The following DEUP1 variants were observed in gnomAD, a reference collection of about 807,000 sequenced individuals.
The protein encoded by DEUP1 is deuterosome assembly protein 1, also known as coiled-coil domain containing 67.
A neutral mutation model predicts 87.4 loss-of-function variants in DEUP1; 82 were observed. The ratio of observed to expected loss-of-function variants is 0.94; its 90% CI spans 0.78 to 1.13. The LOEUF (loss-of-function observed/expected upper bound fraction) is 1.13. Ranked by LOEUF, DEUP1 falls within the 50% of genes most tolerant of loss-of-function variation. DEUP1 has a pLI of 0.00. For missense variants in DEUP1, 663 were observed against 681.5 expected (o/e 0.97, Z 0.30); for synonymous variants, 214 against 222.7 (o/e 0.96, Z 0.35).
intron 7 of DEUP1, among the ~76,000 whole-genome samples, chr11:93,385,028 C>T (rs1407391407): frequency 9.9e-5 from 15 of 152,142 alleles, no homozygotes; most frequent in Admixed American, 5.2e-4. Flanking sequence ...TTGAGACCAG[C>T]CTGATCAACA....
chr11:93,372,337 G>T (rs1458573946), intron 7 of DEUP1, among the ~76,000 whole-genome samples: 1 of 152,048 alleles, frequency 6.6e-6, no homozygotes, highest in Non-Finnish European at 1.5e-5. Flanking sequence ...CTTCCTCCAT[G>T]ACAGTTGGCC....
intron 2 of DEUP1, among the ~76,000 whole-genome samples, chr11:93,335,390 A>G (rs1943705414): frequency 6.6e-6 from 1 of 152,206 alleles, no homozygotes; most frequent in Non-Finnish European, 1.5e-5. Flanking sequence ...AAAGGCTAAA[A>G]AAGTTATATA....
At chr11:93,392,645 C>T (rs1946799874) in intron 9 of DEUP1, among the ~76,000 whole-genome samples, 1 of 150,796 alleles carries the variant, frequency 6.6e-6, no homozygotes, top group African/African-American at 2.4e-5. Context: ...TCTTTACAGA[C>T]ATTGTAATAA....
intron 2 of DEUP1, among the ~76,000 whole-genome samples, chr11:93,345,461 T>G (rs905016921): frequency 6.6e-6 from 1 of 152,196 alleles, no homozygotes; most frequent in Admixed American, 6.5e-5. Context: ...TCAAACTAAT[T>G]TCCACTCCCA....
chr11:93,363,360 T>C (rs1945268985), intron 4 of DEUP1, among the ~76,000 whole-genome samples: 1 of 151,864 alleles, frequency 6.6e-6, no homozygotes, highest in South Asian at 2.1e-4. Flanking sequence ...TATACATATA[T>C]TGGTCCAATT....
rs190272170 is a variant in DEUP1, at chr11:93,437,544, C to T, written c.1640C>T (p.Ser547Phe). ...ACTTTTCTTTCTTTCTCTCTTTAGT[C>T]TCCCCCAGATATGTCCTTCCCAGCA... ...LVSDDDVFPL[S>F]PPDMSFPASL... is the part of the protein sequence containing the mutation. Residue 547 changes from serine (S) to phenylalanine (F), a missense_variant and splice_region_variant, in exon 14 of 14, where the codon TCT becomes TTT. Ser to Phe is a radical substitution (Grantham distance 155). Transcript: ENST00000298050. 3.8e-4 allele frequency: 610 copies of T among 1,601,388 alleles called. 1 individual carries two copies. Among genetic ancestry groups the T allele is most frequent in the African/African-American group, 2.3e-3 (171 of 74,036 alleles).
chr11:93,364,887 T>C (rs1420808444), intron 5 of DEUP1, among the ~76,000 whole-genome samples: 1 of 152,080 alleles, frequency 6.6e-6, no homozygotes, highest in Non-Finnish European at 1.5e-5. Flanking sequence ...GTTGATGCAC[T>C]TATTCTTATC....
chr11:93,399,308 T>C (rs931023460), intron 11 of DEUP1, among the ~76,000 whole-genome samples: 1 of 152,064 alleles, frequency 6.6e-6, no homozygotes, highest in African/African-American at 2.4e-5. Context: ...TAAATTTTTA[T>C]GTAAACATTA....
intron 13 of DEUP1, among the ~76,000 whole-genome samples, chr11:93,416,593 C>A (rs9666918): frequency 6.6e-6 from 1 of 151,144 alleles, no homozygotes; most frequent in East Asian, 2.0e-4. Flanking sequence ...CAAATTCTAC[C>A]AGAGGTACAA....
chr11:93,437,290 T>G (rs1250056176), intron 13 of DEUP1, among the ~76,000 whole-genome samples: 4 of 152,250 alleles, frequency 2.6e-5, no homozygotes, highest in Non-Finnish European at 5.9e-5. Context: ...GTCCCTGCAT[T>G]TGCAGTTGGA....
chr11:93,353,425 C>A (rs1310548468), intron 2 of DEUP1, among the ~76,000 whole-genome samples: 2 of 152,104 alleles, frequency 1.3e-5, no homozygotes, highest in East Asian at 3.9e-4. Context: ...GTGCACAGTG[C>A]AAGTTGTTGG....
chr11:93,378,018 T>C (rs745426145), intron 7 of DEUP1, among the ~76,000 whole-genome samples: 1 of 152,116 alleles, frequency 6.6e-6, no homozygotes, highest in Non-Finnish European at 1.5e-5. Context: ...CCTGATGCTT[T>C]TGCCTCACAG....
chr11:93,366,959 G>T (rs1945448917), intron 5 of DEUP1, among the ~76,000 whole-genome samples: 1 of 152,008 alleles, frequency 6.6e-6, no homozygotes, highest in Admixed American at 6.5e-5. Context: ...TGAAATGTTA[G>T]CTATTTTCTA....
At chr11:93,391,044 G>C (rs1946749350) in intron 9 of DEUP1, among the ~76,000 whole-genome samples, 1 of 150,200 alleles carries the variant, frequency 6.7e-6, no homozygotes, top group Non-Finnish European at 1.5e-5. Context: ...ATTGCGCCAT[G>C]GCACTCCAGC....
At chr11:93,360,415 A>T (rs1053835429) in intron 4 of DEUP1, among the ~76,000 whole-genome samples, 8 of 152,200 alleles carry the variant, frequency 5.3e-5, no homozygotes, top group African/African-American at 1.9e-4. Context: ...ATCATTCATT[A>T]TAGAAAGAAC....
At chr11:93,357,980 A>C (rs1944975712) in intron 4 of DEUP1, among the ~76,000 whole-genome samples, 1 of 152,220 alleles carries the variant, frequency 6.6e-6, no homozygotes, top group African/African-American at 2.4e-5. Context: ...TTACTAGCTT[A>C]GACTCTGAGC....
At chr11:93,352,376 A>G (rs969217652) in intron 2 of DEUP1, 2 of 702,316 alleles carry the variant, frequency 2.8e-6, no homozygotes, top group Non-Finnish European at 5.2e-6. Context: ...CTCCCTGGAG[A>G]ATGCTTCAGC....
rs554557087 is a variant in DEUP1, at chr11:93,333,366, C to T, written c.29+1078C>T. Among the ~76,000 whole-genome samples the T allele has an allele frequency of 5.9e-5, 9 of 152,272 alleles. No homozygotes were observed. In the South Asian group the frequency reaches 1.2e-3, roughly 21 times the overall value. On this transcript the variant is annotated intron_variant, in intron 2 of 13. Transcript: ENST00000298050. The stretch of plus-strand genomic sequence containing the variant: ...TAGGACCAAAGTGGTTGTTTCAGCT[C>T]CCACCATCATAAGTGTGCTCTGCCA...
chr11:93,394,045 G>T, intron 9 of DEUP1, among the ~76,000 whole-genome samples: 1 of 152,166 alleles, frequency 6.6e-6, no homozygotes, highest in East Asian at 1.9e-4. Flanking sequence ...AAAAAGCACT[G>T]AATTTAAAGC....
Sources: gnomAD v4.1 joint callset for allele counts (sites outside exome capture counted in the v4.1 genomes callset) on GRCh38, gnomAD v4.1.1 for gene constraint, MANE v1.5 for transcripts, NCBI Gene and HGNC (gene_info 2026-07-23, HGNC 2026-07-21) for gene names.